NARS1: variants seen among roughly 807,000 people sequenced by gnomAD.
The protein encoded by NARS1 is asparaginyl-tRNA synthetase 1.
Under a neutral mutation model 79.2 loss-of-function variants are expected in NARS1, and 65 were observed. The ratio of observed to expected loss-of-function variants is 0.82; its 90% CI spans 0.67 to 1.01. The LOEUF is 1.01. Among genes scored for constraint, NARS1 ranks in the 50% least tolerant of loss-of-function variants. The pLI, the probability that NARS1 is intolerant of heterozygous loss-of-function variation, is 0.00. For synonymous variants in NARS1, 229 were observed against 238.8 expected, an observed-to-expected ratio of 0.96 and a Z score of 0.38; for missense variants, 649 against 673.8, an observed-to-expected ratio of 0.96 and a Z score of 0.41.
intron 11 of NARS1, among the ~76,000 whole-genome samples, chr18:57,604,078 G>A (rs567009688): frequency 6.6e-6 from 1 of 152,158 alleles, no homozygotes; most frequent in African/African-American, 2.4e-5. Flanking sequence ...ACCTGAGAGG[G>A]GGTCACTGGT....
At chr18:57,606,825 T>G (rs1313518319) in intron 9 of NARS1, 74 bp from the exon 10 acceptor site, 4 of 1,576,324 alleles carry the variant, frequency 2.5e-6, no homozygotes, top group Non-Finnish European at 3.5e-6. Flanking sequence ...CTTTTAACAT[T>G]GGGAAGCTGT....
In NARS1 at chr18:57,621,629, G is replaced by A. The variant is rs372736007; in HGVS notation, c.10+79C>T. The A allele has an allele frequency of 2.6e-5, 31 of 1,186,366 alleles. No homozygotes were observed. In the African/African-American group the frequency reaches 4.7e-4, roughly 18 times the overall value. The allele number at this position is 1,186,366 out of a possible 1,614,324, so 73.5% of individuals were successfully genotyped here. A position where few individuals can be genotyped will look rare whatever the true frequency, so the allele number is the denominator to read the frequency against. ...GGGCGCCCACTCTGGTAGGCACTAAGGAAAGCGCCGAAACCCGACTGGAGC... is the reference window on the plus strand; with the variant it reads ...GGGCGCCCACTCTGGTAGGCACTAAAGAAAGCGCCGAAACCCGACTGGAGC... On this transcript the variant is annotated intron_variant, in intron 1 of 13. Coordinates refer to ENST00000256854, the MANE Select transcript of NARS1 (RefSeq NM_004539.4).
In NARS1 at chr18:57,621,775, A is replaced by C; in HGVS notation, c.-58T>G. The C allele has an allele frequency of 6.2e-7, 1 of 1,613,074 alleles. No homozygotes were observed. Among genetic ancestry groups the C allele is most frequent in the Non-Finnish European group, 8.5e-7 (1 of 1,179,816 alleles). ...CAGACTGCAACACCGACGCCGTCTT[A>C]TGACTCCAACGTGCACCGGCGGTTT... On this transcript the variant is annotated 5_prime_UTR_variant, in exon 1 of 14. The change abolishes the stop of an existing upstream ORF in the 5' untranslated region. Coordinates refer to ENST00000256854, the MANE Select transcript of NARS1 (RefSeq NM_004539.4).
chr18:57,610,260 T>A (rs935754207), intron 6 of NARS1, among the ~76,000 whole-genome samples: 1 of 151,662 alleles, frequency 6.6e-6, no homozygotes, highest in African/African-American at 2.4e-5. Context: ...TCACCTGAGG[T>A]CAGGAGTTCA....
At chr18:57,611,504 A>G in intron 6 of NARS1, 133 bp downstream of exon 6, 1 of 586,736 alleles carries the variant, frequency 1.7e-6, no homozygotes, top group Middle Eastern at 4.0e-4. Context: ...TGTTTATGGT[A>G]TACAATGTGA....
At chr18:57,608,799 G>A in intron 7 of NARS1, among the ~76,000 whole-genome samples, 1 of 152,194 alleles carries the variant, frequency 6.6e-6, no homozygotes, top group East Asian at 1.9e-4. Context: ...TCTGGGTGTT[G>A]CCAGAGAAGA....
chr18:57,602,714 G>A lies in NARS1; in HGVS notation c.1383+98C>T, dbSNP rs1279644762. On this transcript the variant is annotated intron_variant, in intron 12 of 13. Coordinates refer to ENST00000256854, the MANE Select transcript of NARS1 (RefSeq NM_004539.4). ...TTTAAATATTGTTATTCTAGATAGA[G>A]AATGAAATATTTGGCATGAGCTGTA... The A allele has an allele frequency of 1.4e-6, 2 of 1,397,326 alleles. 1 individual carries two copies. Among genetic ancestry groups the A allele is most frequent in the Middle Eastern group, 3.7e-4 (2 of 5,438 alleles). The allele number at this position is 1,397,326 out of a possible 1,614,324, so 86.6% of individuals were successfully genotyped here. A position where few individuals can be genotyped will look rare whatever the true frequency, so the allele number is the denominator to read the frequency against.
At chr18:57,621,421 T>G (rs1908297145) in intron 1 of NARS1, among the ~76,000 whole-genome samples, 1 of 152,168 alleles carries the variant, frequency 6.6e-6, no homozygotes, top group South Asian at 2.1e-4. Flanking sequence ...TCCCAGCGCC[T>G]GAGTCTCAGC....
At chr18:57,615,468 C>T (rs1249126710) in intron 4 of NARS1, among the ~76,000 whole-genome samples, 173 bp downstream of exon 4, 2 of 152,112 alleles carry the variant, frequency 1.3e-5, no homozygotes, top group East Asian at 3.8e-4. Flanking sequence ...AACCACTGCA[C>T]TCCAGCCTGG....
At position 57,609,427 on chromosome 18, in the gene NARS1, C is replaced by T; in HGVS notation, c.509G>A (p.Gly170Glu). ...LADELCQCYN[G>E]VLLSTESSVA... Reference sequence around the variant, plus strand: ...ACTGCTCTCCGTGGACAAGAGAACTCCATTGTAGCACTGACACTATAAAAA... The same window carrying T: ...ACTGCTCTCCGTGGACAAGAGAACTTCATTGTAGCACTGACACTATAAAAA... Residue 170 changes from glycine (G) to glutamate (E), a missense_variant, in exon 7 of 14, where the codon GGA (glycine) becomes GAA (glutamate). Gly to Glu is a moderately conservative substitution (Grantham distance 98, BLOSUM62 -2). Transcript: ENST00000256854. 1 of 1,613,702 alleles carries T rather than the reference C, an allele frequency of 6.2e-7. No homozygotes were observed.
At chr18:57,612,715 C>T (rs555412447) in intron 5 of NARS1, among the ~76,000 whole-genome samples, 7 of 152,260 alleles carry the variant, frequency 4.6e-5, no homozygotes, top group African/African-American at 9.6e-5. Flanking sequence ...GGATTATAGG[C>T]GTGAGCCACC....
At position 57,615,836 on chromosome 18, in the gene NARS1, T is replaced by A; in HGVS notation, c.233A>T (p.Glu78Val). 1 of 1,612,436 alleles carries A rather than the reference T, an allele frequency of 6.2e-7. No homozygotes were observed. The highest frequency in any genetic ancestry group is 8.5e-7 in the Non-Finnish European group (1 of 1,179,538). ...KMWHREQMKS[E>V]SREKKEAEDS... ...ACTCACCTCTTTCTTTTCCCGGGAT[T>A]CACTCTTCATTTGTTCCCTATGCCA... The change falls in exon 3 of 14, where the codon GAA becomes GTA. Residue 78 changes from glutamate to valine, a missense_variant. Coordinates refer to ENST00000256854, the MANE Select transcript of NARS1 (RefSeq NM_004539.4).
chr18:57,603,807 G>C (rs1476607920), intron 11 of NARS1, among the ~76,000 whole-genome samples: 1 of 151,322 alleles, frequency 6.6e-6, no homozygotes, highest in Non-Finnish European at 1.5e-5. Flanking sequence ...ATGAGTGGGA[G>C]AGCTCTAGTC....
chr18:57,621,563 T>TCCCCCCCCCC, intron 1 of NARS1, 145 bp downstream of exon 1: 2 of 300,802 alleles, frequency 6.6e-6, no homozygotes, highest in Non-Finnish European at 1.4e-5. Context: ...GCCAGCACCC[T>TCCCCCCCCCC]CCCTCCCTCC....
intron 10 of NARS1, 133 bp from the exon 11 acceptor site, chr18:57,606,103 T>A (rs1050295763): frequency 9.4e-6 from 5 of 531,412 alleles, no homozygotes; most frequent in Non-Finnish European, 1.6e-5. Flanking sequence ...AATCCCAGCA[T>A]TTTGGGAGGC....
At chr18:57,613,975 A>G (rs192536148) in intron 4 of NARS1, among the ~76,000 whole-genome samples, 243 of 152,340 alleles carry the variant, frequency 1.6e-3, no homozygotes, top group Non-Finnish European at 2.5e-3. Flanking sequence ...TTCCTTTGTC[A>G]TAAGTGGAGC....
At chr18:57,621,577 C>T (rs1908305563) in intron 1 of NARS1, 131 bp downstream of exon 1, 1 of 575,328 alleles carries the variant, frequency 1.7e-6, no homozygotes, top group East Asian at 3.8e-5. Context: ...TCCCTCCCTC[C>T]CTGCAATCGG....
At position 57,606,932 on chromosome 18, in the gene NARS1, T is replaced by C. The variant is rs1179159009; in HGVS notation, c.1002-181A>G. 10 of 914,018 alleles carry C rather than the reference T, an allele frequency of 1.1e-5. No homozygotes were observed. In the Admixed American group the frequency reaches 2.9e-4, roughly 26 times the overall value. The allele number at this position is 914,018 out of a possible 1,614,324, so 56.6% of individuals were successfully genotyped here. On this transcript the variant is annotated intron_variant, in intron 9 of 13. Coordinates refer to ENST00000256854, the MANE Select transcript of NARS1 (RefSeq NM_004539.4). ...AGTAGCAATTTCTTGTTTGCTCCTT[T>C]ATATATAAAAGATCAAGTCAAAGTG... is the stretch of plus-strand genomic sequence containing the variant.
intron 2 of NARS1, among the ~76,000 whole-genome samples, chr18:57,616,799 G>A (rs1172821069): frequency 1.3e-5 from 2 of 151,814 alleles, no homozygotes; most frequent in African/African-American, 4.8e-5. Context: ...TCAGGAGATC[G>A]AGACCATCCT....
Sources: allele counts gnomAD v4.1 joint callset (sites outside exome capture counted in the v4.1 genomes callset), GRCh38; gene constraint gnomAD v4.1.1; transcripts MANE v1.5; gene names NCBI Gene and HGNC (gene_info 2026-07-23, HGNC 2026-07-21).